CENPM: variants seen among roughly 807,000 people sequenced by gnomAD.
CENPM encodes the protein interphase centromere complex protein 39.
In CENPM, 14 loss-of-function variants were observed where a neutral mutation model predicts 19.6. The observed-to-expected ratio is 0.71, with a 90% CI of 0.47 to 1.11. The LOEUF (loss-of-function observed/expected upper bound fraction) is 1.11, where lower values mean the gene tolerates loss of function less well. CENPM is among the 50% of genes most tolerant of loss of function. CENPM has a pLI of 0.00. For missense variants in CENPM, 239 were observed against 228.4 expected (o/e 1.05, Z -0.30); for synonymous variants, 114 against 101.5 (o/e 1.12, Z -0.74).
At chr22:41,945,848 C>T (rs2077794030) in intron 3 of CENPM, 65 bp downstream of exon 3, 1 of 1,311,622 alleles carries the variant, frequency 7.6e-7, no homozygotes, top group South Asian at 1.3e-5. Context: ...AGTTAGGTCA[C>T]CGTCTCAGCA....
At position 41,939,114 on chromosome 22, in the gene CENPM, G is replaced by A. The variant is rs1346722453; in HGVS notation, c.485C>T (p.Ala162Val). Residue 162 changes from alanine to valine, a missense_variant, in exon 6 of 6, where the codon GCT becomes GTT. Coordinates refer to ENST00000215980, the MANE Select transcript of CENPM (RefSeq NM_024053.5). ...ICAGHVPGVS[A>V]LNLLSLLRSS... ...TCTCAGCAGGGACAGCAGGTTCAGAGCTGAGACACCGGGCACGTGGCCAGC... is the reference window on the plus strand; with the variant it reads ...TCTCAGCAGGGACAGCAGGTTCAGAACTGAGACACCGGGCACGTGGCCAGC... 6.2e-7 allele frequency: 1 copy of A among 1,613,044 alleles called. No individual in the cohort carries two copies. Among genetic ancestry groups the A allele is most frequent in the Non-Finnish European group, 8.5e-7 (1 of 1,179,998 alleles).
chr22:41,946,560 C>A (rs747752340), intron 1 of CENPM, 64 bp from the exon 2 acceptor site: 1 of 1,385,420 alleles, frequency 7.2e-7, no homozygotes, highest in Non-Finnish European at 1.0e-6. Context: ...GAGGGCCTGG[C>A]CCTTCGACCC....
rs762543264 is a variant in CENPM, at chr22:41,939,208, G to A, written c.403-12C>T. The A allele has an allele frequency of 6.2e-7, 1 of 1,602,346 alleles. No homozygotes were observed. Among genetic ancestry groups the A allele is most frequent in the Non-Finnish European group, 8.5e-7 (1 of 1,174,466 alleles). On this transcript the variant is annotated splice_polypyrimidine_tract_variant and intron_variant, in intron 5 of 5. Coordinates refer to ENST00000215980, the MANE Select transcript of CENPM (RefSeq NM_024053.5). Reference sequence around the variant, plus strand: ...CTAAAGCCTTCCACCTGCGGGGAGAGCAGAGAACAGCAGTGAGATAGAATG... The same window carrying A: ...CTAAAGCCTTCCACCTGCGGGGAGAACAGAGAACAGCAGTGAGATAGAATG...
Position 41,945,277 on chromosome 22 carries a change from G to A in CENPM, c.258C>T (p.Arg86=). ...YSLQNTEESL[R]HVDASFFLGK... ...CCAAGAAGAAGCTGGCATCCACATGGCGCAGGGACTCCTCTGTGTTCTGGA... is the reference window on the plus strand; with the variant it reads ...CCAAGAAGAAGCTGGCATCCACATGACGCAGGGACTCCTCTGTGTTCTGGA... Residue 86 remains arginine, a synonymous_variant, in exon 4 of 6, where the codon CGC becomes CGT. Transcript: ENST00000215980. 1.2e-6 allele frequency: 2 copies of A among 1,613,972 alleles called. No individual in the cohort carries two copies. The highest frequency in any genetic ancestry group is 2.7e-5 in the African/African-American group (2 of 74,972).
At chr22:41,946,036 T>C (rs757113284) in intron 2 of CENPM, 31 bp from the exon 3 acceptor site, 15 of 1,564,326 alleles carry the variant, frequency 9.6e-6, no homozygotes, top group Non-Finnish European at 1.1e-5. Flanking sequence ...GGACTCAAGA[T>C]ATCCGTACCC....
At chr22:41,942,389 T>G (rs911819790) in intron 5 of CENPM, among the ~76,000 whole-genome samples, 2 of 152,138 alleles carry the variant, frequency 1.3e-5, no homozygotes, top group African/African-American at 4.8e-5. Context: ...AGTGGGAGGA[T>G]CGCTTGAGGC....
Position 41,946,454 on chromosome 22 carries a change from A to T in CENPM, c.100T>A (p.Ser34Thr), listed in dbSNP as rs376447577. 40 of 1,612,940 alleles carry T rather than the reference A, an allele frequency of 2.5e-5. No individual in the cohort carries two copies. Among genetic ancestry groups the T allele is most frequent in the Non-Finnish European group, 3.4e-5 (40 of 1,179,994 alleles). ...GAGGCGCAGTCCTCTTTGAGCATCGAGTCCGCCAGCTGCTGCAGAAGAGCA... is the reference window on the plus strand; with the variant it reads ...GAGGCGCAGTCCTCTTTGAGCATCGTGTCCGCCAGCTGCTGCAGAAGAGCA... ...EDALLQQLADSMLKEDCASEL... is the reference protein window; with the variant it reads ...EDALLQQLADTMLKEDCASEL... Residue 34 changes from serine (S) to threonine (T), a missense_variant, in exon 2 of 6, where the codon TCG (serine) becomes ACG (threonine). By Grantham distance (58) the Ser-to-Thr change is moderately conservative. Transcript: ENST00000215980.
Position 41,947,102 on chromosome 22 carries a change from C to T in CENPM, c.-26G>A. The T allele has an allele frequency of 6.2e-7, 1 of 1,611,298 alleles. No homozygotes were observed. Among genetic ancestry groups the T allele is most frequent in the South Asian group, 1.1e-5 (1 of 90,994 alleles). On this transcript the variant is annotated 5_prime_UTR_variant, in exon 1 of 6. Transcript: ENST00000215980. ...CACAGCCGCAGGACCAACCGTTGCTCCTGCGGTGCGCGCCGATCTTTCAAA... is the reference window on the plus strand; with the variant it reads ...CACAGCCGCAGGACCAACCGTTGCTTCTGCGGTGCGCGCCGATCTTTCAAA...
the CENPM span, among the ~76,000 whole-genome samples, chr22:41,929,952 T>A: frequency 2.1e-5 from 3 of 142,764 alleles, no homozygotes; most frequent in South Asian, 7.1e-4. Flanking sequence ...TTTTTTTTTT[T>A]TTTTTTTTTG....
rs933985828 is a variant in CENPM at position 41,946,446 on chromosome 22, G to A, written c.108C>T (p.Leu36=). Residue 36 remains leucine (L), a synonymous_variant, in exon 2 of 6, where the codon CTC becomes CTT. Coordinates refer to ENST00000215980, the MANE Select transcript of CENPM (RefSeq NM_024053.5). The part of the protein sequence containing the change: ...ALLQQLADSM[L]KEDCASELKV... ...TCAGCTCGGAGGCGCAGTCCTCTTT[G>A]AGCATCGAGTCCGCCAGCTGCTGCA... 1.9e-6 allele frequency: 3 copies of A among 1,612,930 alleles called. No individual in the cohort carries two copies. The highest frequency in any genetic ancestry group is 1.3e-5 in the African/African-American group (1 of 74,940).
intron 1 of CENPM, 162 bp downstream of exon 1, chr22:41,946,858 C>A: frequency 1.5e-6 from 1 of 669,104 alleles, no homozygotes; most frequent in Non-Finnish European, 2.6e-6. Flanking sequence ...CCTCAGAGAG[C>A]GGCTACTCCA....
chr22:41,939,613 AGGGG>A (rs1332183161), intron 5 of CENPM, among the ~76,000 whole-genome samples: 3 of 151,574 alleles, frequency 2.0e-5, no homozygotes, highest in Non-Finnish European at 4.4e-5. Context: ...GGAAGGAGGG[AGGGG>A]CAGCGGGTGG....
In CENPM at chr22:41,945,315, C is replaced by G. The variant is rs776228499; in HGVS notation, c.231-11G>C. The G allele has an allele frequency of 5.0e-6, 8 of 1,613,874 alleles. No homozygotes were observed. Among genetic ancestry groups the G allele is most frequent in the Non-Finnish European group, 6.8e-6 (8 of 1,179,960 alleles). Reference sequence around the variant, plus strand: ...TCTGTGTTCTGGAGACTGGGGTGGCCAGGCCAGGGTGAGAAAACAAACCAG... The same window carrying G: ...TCTGTGTTCTGGAGACTGGGGTGGCGAGGCCAGGGTGAGAAAACAAACCAG... On this transcript the variant is annotated splice_polypyrimidine_tract_variant and intron_variant, in intron 3 of 5. Coordinates refer to ENST00000215980, the MANE Select transcript of CENPM (RefSeq NM_024053.5).
At chr22:41,932,006 GTC>G in the CENPM span, among the ~76,000 whole-genome samples, 7 of 152,230 alleles carry the variant, frequency 4.6e-5, no homozygotes, top group Admixed American at 1.3e-4. The surrounding 1 kb of genome is among the most constrained non-coding windows in gnomAD (Gnocchi z 4.3). Context: ...CCCAGAGGGA[GTC>G]TCTGTTTTCC....
At chr22:41,943,867 CA>C (rs1477746341) in intron 4 of CENPM, among the ~76,000 whole-genome samples, 166 bp from the exon 5 acceptor site, 1 of 152,182 alleles carries the variant, frequency 6.6e-6, no homozygotes, top group Non-Finnish European at 1.5e-5. Context: ...TCAAGAATAT[CA>C]AATTAGACAA....
At chr22:41,941,878 G>C (rs1326138373) in intron 5 of CENPM, among the ~76,000 whole-genome samples, 1 of 152,228 alleles carries the variant, frequency 6.6e-6, no homozygotes, top group African/African-American at 2.4e-5. Context: ...AATGGCTGCT[G>C]CCACATGAGA....
rs555234313 is a variant in CENPM, at chr22:41,943,312, CA to C, written c.402+297del. The stretch of plus-strand genomic sequence containing the variant: ...TATAACTGAGTATGCAGAAACTCAG[CA>C]AAAGCAAAAGCAGGGCAGCACGTGC... On this transcript the variant is annotated intron_variant, in intron 5 of 5. Coordinates refer to ENST00000215980, the MANE Select transcript of CENPM (RefSeq NM_024053.5). Among the ~76,000 whole-genome samples the C allele has an allele frequency of 7.8e-4, 119 of 152,254 alleles. 1 individual carries two copies. Among genetic ancestry groups the C allele is most frequent in the Non-Finnish European group, 1.6e-3 (112 of 68,016 alleles).
rs1363446227 is a variant in CENPM, at chr22:41,945,215, A to G, written c.310+10T>C. The G allele has an allele frequency of 6.2e-6, 10 of 1,613,482 alleles. No individual in the cohort carries two copies. Among genetic ancestry groups the G allele is most frequent in the Non-Finnish European group, 8.5e-6 (10 of 1,179,790 alleles). Reference sequence around the variant, plus strand: ...GGGGGTGGGCAGTAACAGGCGAGGAACGTACTTACCACCTGTGGCGAGGAA... The same window carrying G: ...GGGGGTGGGCAGTAACAGGCGAGGAGCGTACTTACCACCTGTGGCGAGGAA... On this transcript the variant is annotated intron_variant, in intron 4 of 5. Transcript: ENST00000215980.
chr22:41,934,042 C>T (rs1408302992), downstream of CENPM, among the ~76,000 whole-genome samples: 2 of 152,166 alleles, frequency 1.3e-5, no homozygotes, highest in African/African-American at 2.4e-5. Flanking sequence ...GTGGGCTGCC[C>T]CAAGTCACAC....
Sources: allele counts gnomAD v4.1 joint callset (sites outside exome capture counted in the v4.1 genomes callset), GRCh38; gene constraint gnomAD v4.1.1; non-coding constraint Gnocchi (gnomAD v3.1); transcripts MANE v1.5; gene names NCBI Gene and HGNC (gene_info 2026-07-23, HGNC 2026-07-21).